RHD: variants seen among roughly 807,000 people sequenced by gnomAD.
The protein encoded by RHD is blood group Rh(D) polypeptide.
In RHD, 16 loss-of-function variants were observed where a neutral mutation model predicts 45.5. That is an observed-to-expected ratio of 0.35 (90% CI 0.24 to 0.53). The LOEUF (loss-of-function observed/expected upper bound fraction) is 0.53. Among genes scored for constraint, RHD ranks in the 20% least tolerant of loss-of-function variants. The pLI, the probability that RHD is intolerant of heterozygous loss-of-function variation, is 0.92. For missense variants in RHD, 306 were observed against 532.0 expected (o/e 0.58, Z 4.18); for synonymous variants, 131 against 217.5 (o/e 0.60, Z 3.50).
At chr1:25,292,384 C>T (rs1458805266) in intron 3 of RHD, among the ~76,000 whole-genome samples, 1 of 132,504 alleles carries the variant, frequency 7.5e-6, no homozygotes, top group African/African-American at 2.6e-5. Context: ...TGATTGCCAT[C>T]ATCCAGACTC....
chr1:25,301,605 C>A lies in RHD; in HGVS notation c.720C>A (p.Asn240Lys). 1.4e-6 allele frequency: 2 copies of A among 1,380,292 alleles called. 1 individual carries two copies. The highest frequency in any genetic ancestry group is 2.0e-6 in the Non-Finnish European group (2 of 979,224). 85.5% of individuals were successfully genotyped at this position (1,380,292 alleles called of 1,614,324 possible). Residue 240 changes from asparagine to lysine, a missense_variant, in exon 5 of 10, where the codon AAC becomes AAA. Physicochemically the swap from Asn to Lys is moderately conservative, Grantham distance 94. Transcript: ENST00000328664. Reference protein sequence around the residue: ...SPIERKNAVFNTYYAVAVSVV... With the variant: ...SPIERKNAVFKTYYAVAVSVV... Reference sequence around the variant, plus strand: ...TCGAAAGGAAGAATGCCGTGTTCAACACCTACTATGCTGTAGCAGTCAGCG... The same window carrying A: ...TCGAAAGGAAGAATGCCGTGTTCAAAACCTACTATGCTGTAGCAGTCAGCG...
intron 9 of RHD, among the ~76,000 whole-genome samples, chr1:25,323,843 A>C (rs1400869135): frequency 8.1e-6 from 1 of 124,146 alleles, no homozygotes; most frequent in Non-Finnish European, 1.8e-5. Flanking sequence ...TTATTCTGAG[A>C]ATCATCCGTG....
chr1:25,274,562 A>C (rs1225337131), intron 1 of RHD, among the ~76,000 whole-genome samples: 2 of 133,020 alleles, frequency 1.5e-5, no homozygotes, highest in East Asian at 1.9e-4. Context: ...GAGGGAGGTG[A>C]CTGCCCAGCC....
rs1053325868 is a variant in RHD at position 25,287,055 on chromosome 1, T to A, written c.335+2296T>A. Among the ~76,000 whole-genome samples the A allele has an allele frequency of 1.8e-4, 24 of 135,104 alleles. 3 individuals carry two copies. The highest frequency in any genetic ancestry group is 5.9e-4 in the African/African-American group (23 of 39,136). The allele number at this position is 135,104 out of a possible 152,430, so 88.6% of individuals were successfully genotyped here. ...CTATAGTGAGCCGAGATCGCACCAT[T>A]GCACTGTAGCCTGGGCGACAGAGTG... On this transcript the variant is annotated intron_variant, in intron 2 of 9. Transcript: ENST00000328664.
chr1:25,285,887 C>A (rs1641943278), intron 2 of RHD, among the ~76,000 whole-genome samples: 1 of 134,592 alleles, frequency 7.4e-6, no homozygotes, highest in Non-Finnish European at 1.8e-5. Flanking sequence ...CCTTCTAAGA[C>A]CCTGCTAAAC....
chr1:25,310,856 T>G (rs183876008), intron 7 of RHD, among the ~76,000 whole-genome samples: 8 of 129,362 alleles, frequency 6.2e-5, no homozygotes, highest in Admixed American at 6.0e-4. Context: ...ACCTGTAATC[T>G]CAGCTACTCA....
At position 25,301,574 on chromosome 1, in the gene RHD, G is replaced by T. The variant is rs374920252; in HGVS notation, c.689G>T (p.Ser230Ile). 5.1e-6 allele frequency: 7 copies of T among 1,379,750 alleles called. 1 individual carries two copies. In the African/African-American group the frequency reaches 1.0e-4, roughly 20 times the overall value. 85.5% of individuals were successfully genotyped at this position (1,379,750 alleles called of 1,614,324 possible). Residue 230 changes from serine to isoleucine, a missense_variant, in exon 5 of 10, where the codon AGT (serine) becomes ATT (isoleucine). Physicochemically the swap from Ser to Ile is moderately radical, Grantham distance 142. Transcript: ENST00000328664. The stretch of plus-strand genomic sequence containing the variant: ...AGTTTCAACTCTGCTCTGCTGAGAA[G>T]TCCAATCGAAAGGAAGAATGCCGTG... ...WPSFNSALLRSPIERKNAVFN... is the reference protein window; with the variant it reads ...WPSFNSALLRIPIERKNAVFN...
chr1:25,312,919 CTAAA>C (rs1557556741), intron 7 of RHD, among the ~76,000 whole-genome samples: 1 of 3,628 alleles, frequency 2.8e-4, no homozygotes, highest in East Asian at 0.014. Context: ...AATCCCATCT[CTAAA>C]AAAAAAAAAA....
In RHD at chr1:25,301,389, G is replaced by A; in HGVS notation, c.635-131G>A. ...GCTTGAGAGCTCGGAGGGGAGACGT[G>A]ACTTCCCCATCTAACTCTAAGTGAC... On this transcript the variant is annotated intron_variant, in intron 4 of 9. Transcript: ENST00000328664. 4.4e-6 allele frequency: 4 copies of A among 903,356 alleles called. 1 individual carries two copies. Among genetic ancestry groups the A allele is most frequent in the Admixed American group, 2.0e-5 (1 of 49,630 alleles). The allele number at this position is 903,356 out of a possible 1,614,324, so 56.0% of individuals were successfully genotyped here. A position where few individuals can be genotyped will look rare whatever the true frequency, so the allele number is the denominator to read the frequency against.
rs540368974 is a variant in RHD at position 25,300,726 on chromosome 1, G to A, written c.487-220G>A. ...AGGGAAGCTGAGGCAGGAGAATCGC[G>A]TGAACCTGGGAGGCAAATGTTCCAG... On this transcript the variant is annotated intron_variant, in intron 3 of 9. Transcript: ENST00000328664. Among the ~76,000 whole-genome samples the A allele has an allele frequency of 1.5e-5, 2 of 131,628 alleles. 1 individual carries two copies. The highest frequency in any genetic ancestry group is 1.5e-4 in the Admixed American group (2 of 13,654). 86.4% of individuals were successfully genotyped at this position (131,628 alleles called of 152,430 possible).
intron 3 of RHD, among the ~76,000 whole-genome samples, chr1:25,299,968 T>A (rs1310930480): frequency 7.6e-6 from 1 of 131,006 alleles, no homozygotes; most frequent in Non-Finnish European, 1.8e-5. Flanking sequence ...CAGGCTGGTA[T>A]CGAACTCCTG....
rs1488879236 is a variant in RHD, at chr1:25,284,620, A to T, written c.196A>T (p.Thr66Ser). ...GGCGGCCATTGGCTTGGGCTTCCTC[A>T]CCTCGAGTTTCCGGAGACACAGCTG... is the stretch of plus-strand genomic sequence containing the variant. ...VMAAIGLGFL[T>S]SSFRRHSWSS... Residue 66 changes from threonine to serine, a missense_variant, in exon 2 of 10, where the codon ACC (threonine) becomes TCC (serine). Physicochemically the swap from Thr to Ser is moderately conservative, Grantham distance 58. Coordinates refer to ENST00000328664, the MANE Select transcript of RHD (RefSeq NM_016124.6). The T allele has an allele frequency of 7.2e-7, 1 of 1,388,570 alleles. No individual in the cohort carries two copies. The highest frequency in any genetic ancestry group is 1.8e-5 in the Admixed American group (1 of 56,650). 86.0% of individuals were successfully genotyped at this position (1,388,570 alleles called of 1,614,324 possible).
At chr1:25,280,308 CT>C (rs76220916) in intron 1 of RHD, among the ~76,000 whole-genome samples, 2,157 of 113,010 alleles carry the variant, frequency 0.019, 344 homozygotes, top group African/African-American at 0.057. Flanking sequence ...TTCCTCATCT[CT>C]TTTTTTTTTT....
In RHD at chr1:25,284,758, A is replaced by G. The variant is rs761738800; in HGVS notation, c.334A>G (p.Ser112Gly). 2 of 1,388,572 alleles carry G rather than the reference A, an allele frequency of 1.4e-6. No individual in the cohort carries two copies. The highest frequency in any genetic ancestry group is 1.8e-5 in the Admixed American group (1 of 56,634). The allele number at this position is 1,388,572 out of a possible 1,614,324, so 86.0% of individuals were successfully genotyped here. A position where few individuals can be genotyped will look rare whatever the true frequency, so the allele number is the denominator to read the frequency against. The change falls in exon 2 of 10, where the codon AGT (serine) becomes GGT (glycine). Residue 112 changes from serine (S) to glycine (G), a missense_variant and splice_region_variant. Transcript: ENST00000328664. ...TGGGAAGGTGGTCATCACACTGTTC[A>G]GGTATTGGGATGGTGGCTGGATCAC... ...PSGKVVITLF[S>G]IRLATMSALS... is the part of the protein sequence containing the mutation.
rs143319928 is a variant in RHD, at chr1:25,283,535, T to TA, written c.149-1027dup. 0.016 allele frequency among the ~76,000 whole-genome samples: 1,752 copies of TA among 109,140 alleles called. 245 individuals carry two copies. In the East Asian group the frequency reaches 0.24, roughly 15 times the overall value. 71.6% of individuals were successfully genotyped at this position (109,140 alleles called of 152,430 possible). On this transcript the variant is annotated intron_variant, in intron 1 of 9. Transcript: ENST00000328664. ...GACGAGTGAAACTCTATCTCGATATTAAAAAAAAAAATCTTAGCTCTACCC... is the reference window on the plus strand; with the variant it reads ...GACGAGTGAAACTCTATCTCGATATTAAAAAAAAAAAATCTTAGCTCTACCC...
intron 8 of RHD, among the ~76,000 whole-genome samples, chr1:25,320,943 C>T (rs1207829750): frequency 7.6e-6 from 1 of 131,546 alleles, no homozygotes; most frequent in Non-Finnish European, 1.8e-5. Flanking sequence ...ACTTGGGAGG[C>T]TGAGGTGGGA....
rs1234136771 is a variant in RHD at position 25,308,553 on chromosome 1, C to T, written c.1073+1824C>T. On this transcript the variant is annotated intron_variant, in intron 7 of 9. Coordinates refer to ENST00000328664, the MANE Select transcript of RHD (RefSeq NM_016124.6). ...ATAAAGCCTTGATTGGTAGCACTTGCAATTTCTATGGTACAAACGCTTCCC... is the reference window on the plus strand; with the variant it reads ...ATAAAGCCTTGATTGGTAGCACTTGTAATTTCTATGGTACAAACGCTTCCC... Among the ~76,000 whole-genome samples the T allele has an allele frequency of 3.0e-5, 4 of 132,004 alleles. 2 individuals are homozygous for T. The highest frequency in any genetic ancestry group is 7.1e-5 in the Non-Finnish European group (4 of 55,980). The allele number at this position is 132,004 out of a possible 152,430, so 86.6% of individuals were successfully genotyped here.
chr1:25,314,770 C>G (rs1644349045), intron 7 of RHD, among the ~76,000 whole-genome samples: 1 of 132,362 alleles, frequency 7.6e-6, no homozygotes, highest in Admixed American at 7.3e-5. Flanking sequence ...TCCCAAAGTG[C>G]CAGGATTACA....
At chr1:25,313,049 T>G (rs1419420617) in intron 7 of RHD, among the ~76,000 whole-genome samples, 2 of 125,786 alleles carry the variant, frequency 1.6e-5, no homozygotes, top group African/African-American at 2.7e-5. Flanking sequence ...TCCCTCAAAT[T>G]TCATGTGTTG....
Sources: allele counts gnomAD v4.1 joint callset (sites outside exome capture counted in the v4.1 genomes callset), GRCh38; gene constraint gnomAD v4.1.1; transcripts MANE v1.5; gene names NCBI Gene and HGNC (gene_info 2026-07-23, HGNC 2026-07-21).